Variants in PRDM8 observed in about 807,000 individuals in gnomAD.
The protein encoded by PRDM8 is PR domain zinc finger protein 8.
PRDM8 carries 13 observed loss-of-function variants against 46.5 expected under a neutral mutation model. The ratio of observed to expected loss-of-function variants is 0.28; its 90% CI spans 0.18 to 0.44. PRDM8 has a LOEUF of 0.44. Ranked by LOEUF, PRDM8 falls within the 20% of genes least tolerant of loss-of-function variation. PRDM8 has a pLI of 1.00. For synonymous variants in PRDM8, 473 were observed against 438.4 expected (o/e 1.08, Z -0.98); for missense variants, 998 against 955.0 (o/e 1.04, Z -0.59).
At chr4:80,192,771 A>G (rs1355769631), upstream of PRDM8, among the ~76,000 whole-genome samples, 1 of 152,230 alleles carries the variant, frequency 6.6e-6, no homozygotes, top group African/African-American at 2.4e-5. Flanking sequence ...TTCAGAGGTC[A>G]CACTCACACA....
intron 3 of PRDM8, 55 bp from the exon 4 acceptor site, chr4:80,201,859 C>T (rs1300379304): frequency 8.5e-6 from 12 of 1,405,160 alleles, no homozygotes; most frequent in Non-Finnish European, 1.2e-5. Context: ...ATGTGGTGTG[C>T]GTGTGTGTGT....
chr4:80,194,247 T>C (rs1218307958), upstream of PRDM8: 4 of 967,484 alleles, frequency 4.1e-6, no homozygotes, highest in African/African-American at 1.8e-5. Context: ...AAGGTGAGCA[T>C]ACCCACTCTT....
rs751755227 is a variant in PRDM8 at position 80,201,286 on chromosome 4, G to T, written c.220-4G>T. 3.1e-6 allele frequency: 5 copies of T among 1,613,584 alleles called. No individual in the cohort carries two copies. The African/African-American group carries it at 4.0e-5, about 13-fold the overall frequency. ...TGTCTTCTTTCATTTATTTCAAACC[G>T]CAGGTAGACACCTCAGCAGCAAATG... is the stretch of plus-strand genomic sequence containing the variant. On this transcript the variant is annotated splice_polypyrimidine_tract_variant and splice_region_variant and intron_variant, in intron 2 of 3. Transcript: ENST00000415738.
chr4:80,187,244 T>G lies in PRDM8; in HGVS notation c.-983+1726T>G, dbSNP rs146379067. 1.9e-4 allele frequency among the ~76,000 whole-genome samples: 17 copies of G among 89,986 alleles called. 1 individual carries two copies. Among genetic ancestry groups the G allele is most frequent in the African/African-American group, 4.8e-4 (11 of 23,030 alleles). 59.0% of individuals were successfully genotyped at this position (89,986 alleles called of 152,430 possible). On this transcript the variant is annotated intron_variant, in intron 1 of 9. Transcript: ENST00000339711. Reference sequence around the variant, plus strand: ...GTTGCTGTATCAGCATTCTCTGCCCTGGGGCGGGGGGAAGCAGAAGAATAT... The same window carrying G: ...GTTGCTGTATCAGCATTCTCTGCCCGGGGGCGGGGGGAAGCAGAAGAATAT...
chr4:80,200,654 T>G (rs1200552048), intron 2 of PRDM8, among the ~76,000 whole-genome samples: 2 of 152,254 alleles, frequency 1.3e-5, no homozygotes, highest in Admixed American at 6.5e-5. Context: ...TTGACAAGTA[T>G]TGGGTACATC....
Position 80,202,087 on chromosome 4 carries a change from G to A in PRDM8, c.625G>A (p.Gly209Ser). The A allele has an allele frequency of 1.2e-6, 2 of 1,608,410 alleles. No individual in the cohort carries two copies. The highest frequency in any genetic ancestry group is 1.7e-6 in the Non-Finnish European group (2 of 1,178,156). The change falls in exon 4 of 4, where the codon GGC becomes AGC. Residue 209 changes from glycine (G) to serine (S), a missense_variant. Transcript: ENST00000415738. ...GGACCACGGGGGCGGCGGCGGCGGT[G>A]GCAAAGACCAGCAGCAGCAGCAGCA... is the stretch of plus-strand genomic sequence containing the variant. ...TKDHGGGGGG[G>S]KDQQQQQQEA...
upstream of PRDM8, chr4:80,196,272 C>T: frequency 1.0e-6 from 1 of 975,108 alleles, no homozygotes; most frequent in Non-Finnish European, 1.2e-6. Flanking sequence ...AGATTGCCCA[C>T]TTCAAAGTAG....
At position 80,203,674 on chromosome 4, in the gene PRDM8, C is replaced by A. The variant is rs949589353; in HGVS notation, c.*142C>A. 2.5e-5 allele frequency: 35 copies of A among 1,391,016 alleles called. No individual in the cohort carries two copies. Among genetic ancestry groups the A allele is most frequent in the Admixed American group, 5.8e-5 (2 of 34,288 alleles). The allele number at this position is 1,391,016 out of a possible 1,614,324, so 86.2% of individuals were successfully genotyped here. On this transcript the variant is annotated 3_prime_UTR_variant, in exon 4 of 4. Coordinates refer to ENST00000415738, the MANE Select transcript of PRDM8 (RefSeq NM_001099403.2). Reference sequence around the variant, plus strand: ...ATACATTCACCGCCCCCCCGCCCCCCCAACGCGCACACACACGTCCTCTCC... The same window carrying A: ...ATACATTCACCGCCCCCCCGCCCCCACAACGCGCACACACACGTCCTCTCC...
Position 80,186,050 on chromosome 4 carries a change from A to T in PRDM8, c.-983+532A>T, listed in dbSNP as rs552681972. ...AAGGCGCGCGGTACTGGCTGAATGG[A>T]GAGATCCACTCTGAAATAAACCCGG... On this transcript the variant is annotated intron_variant, in intron 1 of 9. Coordinates refer to the PRDM8 transcript ENST00000339711. Among the ~76,000 whole-genome samples, 5 of 152,250 alleles carry T rather than the reference A, an allele frequency of 3.3e-5. No individual in the cohort carries two copies. The South Asian group carries it at 1.0e-3, about 32-fold the overall frequency.
chr4:80,198,979 G>GTTTTTTTTTTTTTT (rs1738184321), intron 1 of PRDM8, among the ~76,000 whole-genome samples: 2 of 113,510 alleles, frequency 1.8e-5, no homozygotes, highest in African/African-American at 6.7e-5. Context: ...GGTTTTTTTG[G>GTTTTTTTTTTTTTT]GTTTTTTTTT....
rs546454149 is a variant in PRDM8, at chr4:80,189,521, C to T, written c.-982-1951C>T. 3.9e-5 allele frequency among the ~76,000 whole-genome samples: 6 copies of T among 152,292 alleles called. No homozygotes were observed. In the South Asian group the frequency reaches 1.2e-3, roughly 32 times the overall value. On this transcript the variant is annotated intron_variant, in intron 1 of 9. Coordinates refer to the PRDM8 transcript ENST00000339711. Reference sequence around the variant, plus strand: ...TAGAAACTTCGGGAAATCCTCAGCCCTCGCTGGGTCACTTGGAAAGTGGGT... The same window carrying T: ...TAGAAACTTCGGGAAATCCTCAGCCTTCGCTGGGTCACTTGGAAAGTGGGT...
At chr4:80,199,658 G>A (rs1430078190) in intron 1 of PRDM8, among the ~76,000 whole-genome samples, 2 of 151,374 alleles carry the variant, frequency 1.3e-5, no homozygotes, top group Admixed American at 1.3e-4. Context: ...CTTTCAGTAA[G>A]GGAAGTCTAT....
chr4:80,190,164 G>T (rs1440825960), intron 1 of PRDM8: 1 of 152,302 alleles, frequency 6.6e-6, no homozygotes, highest in East Asian at 1.9e-4. Context: ...GGTCGAGGTC[G>T]TGCACAGAGG....
In PRDM8 at chr4:80,202,007, T is replaced by C. The variant is rs778864625; in HGVS notation, c.545T>C (p.Leu182Pro). Reference protein sequence around the residue: ...AHLRFRCPKRLHSADISPQDE... With the variant: ...AHLRFRCPKRPHSADISPQDE... ...CTGCGTTTCCGCTGCCCCAAGAGACTTCACAGCGCTGATATAAGTCCCCAA... is the reference window on the plus strand; with the variant it reads ...CTGCGTTTCCGCTGCCCCAAGAGACCTCACAGCGCTGATATAAGTCCCCAA... Residue 182 changes from leucine (L) to proline (P), a missense_variant, in exon 4 of 4, where the codon CTT (leucine) becomes CCT (proline). Transcript: ENST00000415738. The C allele has an allele frequency of 1.9e-6, 3 of 1,613,904 alleles. 1 individual carries two copies. The South Asian group carries it at 3.3e-5, about 18-fold the overall frequency.
At chr4:80,187,251 G>GC (rs941482665) in intron 1 of PRDM8, among the ~76,000 whole-genome samples, 1 of 141,120 alleles carries the variant, frequency 7.1e-6, no homozygotes, top group African/African-American at 2.6e-5. Context: ...CCCTGGGGCG[G>GC]GGGGAAGCAG....
At chr4:80,196,554 C>T, upstream of PRDM8, 1 of 985,444 alleles carries the variant, frequency 1.0e-6, no homozygotes, top group Non-Finnish European at 1.2e-6. Flanking sequence ...ACTCCATCCC[C>T]TCCTCCACCA....
chr4:80,199,737 G>GTGTGTGTGTGTGTGTGTGTGTA (rs1553905032), intron 1 of PRDM8, among the ~76,000 whole-genome samples: 2,779 of 140,136 alleles, frequency 0.02, 44 homozygotes, highest in African/African-American at 0.024. Flanking sequence ...GTGTGTGTGT[G>GTGTGTGTGTGTGTGTGTGTGTA]TACATATATA....
At chr4:80,188,838 G>C (rs1334333750) in intron 1 of PRDM8, among the ~76,000 whole-genome samples, 1 of 152,242 alleles carries the variant, frequency 6.6e-6, no homozygotes, top group Non-Finnish European at 1.5e-5. Flanking sequence ...GAGCCAGACA[G>C]GGAGCTCCGT....
intron 2 of PRDM8, among the ~76,000 whole-genome samples, chr4:80,191,869 G>A (rs926402065): frequency 3.3e-5 from 5 of 152,186 alleles, no homozygotes; most frequent in Non-Finnish European, 7.3e-5. Context: ...GGCAATATGA[G>A]CAAGGGAGCA....
Sources: allele counts gnomAD v4.1 joint callset (sites outside exome capture counted in the v4.1 genomes callset), GRCh38; gene constraint gnomAD v4.1.1; transcripts MANE v1.5; gene names NCBI Gene and HGNC (gene_info 2026-07-23, HGNC 2026-07-21).